Variants in CAMTA1 observed in about 807,000 individuals in gnomAD.
The protein encoded by CAMTA1 is calmodulin binding transcription activator 1.
Under a neutral mutation model 170.9 loss-of-function variants are expected in CAMTA1, and 27 were observed. The ratio of observed to expected loss-of-function variants is 0.16; its 90% CI spans 0.12 to 0.22. CAMTA1 has a LOEUF of 0.22. Among genes scored for constraint, CAMTA1 ranks in the 10% least tolerant of loss-of-function variants. The pLI is 1.00. For missense variants in CAMTA1, 1,619 were observed against 2,217.2 expected (o/e 0.73, Z 5.42); for synonymous variants, 833 against 891.5 (o/e 0.93, Z 1.17).
chr1:7,682,946 C>T lies in CAMTA1; in HGVS notation c.2914+5213C>T, dbSNP rs1273851690. On this transcript the variant is annotated intron_variant, in intron 11 of 22. Coordinates refer to ENST00000303635, the MANE Select transcript of CAMTA1 (RefSeq NM_015215.4). The surrounding 1 kb of genome is among the most constrained non-coding windows in gnomAD (Gnocchi z 5.0). ...CAGCACTTTGGGAGGCCGAGGCAGG[C>T]GGATCACAAGGTCAGGAGATCGAGC... is the stretch of plus-strand genomic sequence containing the variant. Among the ~76,000 whole-genome samples, 1 of 152,134 alleles carries T rather than the reference C, an allele frequency of 6.6e-6. No homozygotes were observed. Among genetic ancestry groups the T allele is most frequent in the South Asian group, 2.1e-4 (1 of 4,822 alleles).
At chr1:7,295,133 A>G (rs920138040) in intron 5 of CAMTA1, among the ~76,000 whole-genome samples, 3 of 151,996 alleles carry the variant, frequency 2.0e-5, no homozygotes, top group African/African-American at 7.3e-5. Flanking sequence ...CAGTTATGTA[A>G]CCTTCTGGCT....
intron 1 of CAMTA1, among the ~76,000 whole-genome samples, chr1:6,786,650 A>G (rs1413567408): frequency 6.6e-6 from 1 of 152,322 alleles, no homozygotes; most frequent in South Asian, 2.1e-4. Context: ...TTGCTGGGTT[A>G]GGGCGAGCTC....
intron 6 of CAMTA1, among the ~76,000 whole-genome samples, chr1:7,505,382 G>A (rs955321894): frequency 2.6e-5 from 4 of 152,172 alleles, no homozygotes; most frequent in Admixed American, 6.5e-5. Flanking sequence ...GGACGTGGGC[G>A]TCTAGTGCAA....
At chr1:7,188,625 G>T (rs1172854618) in intron 4 of CAMTA1, among the ~76,000 whole-genome samples, 1 of 152,172 alleles carries the variant, frequency 6.6e-6, no homozygotes, top group Non-Finnish European at 1.5e-5. Flanking sequence ...GTTCATCCAT[G>T]TTGTAGCAGG....
intron 3 of CAMTA1, among the ~76,000 whole-genome samples, chr1:7,062,084 A>G (rs1056907973): frequency 1.3e-5 from 2 of 151,854 alleles, no homozygotes; most frequent in Non-Finnish European, 2.9e-5. Context: ...CGCACGGCTA[A>G]TTTTTGTATT....
At chr1:7,055,244 G>A (rs971360543) in intron 3 of CAMTA1, among the ~76,000 whole-genome samples, 1 of 152,186 alleles carries the variant, frequency 6.6e-6, no homozygotes, top group African/African-American at 2.4e-5. Flanking sequence ...GGAGATTAAT[G>A]AGAATGTGTG....
intron 5 of CAMTA1, among the ~76,000 whole-genome samples, chr1:7,402,284 CT>C (rs1452986705): frequency 6.6e-6 from 1 of 152,200 alleles, no homozygotes; most frequent in Non-Finnish European, 1.5e-5. Flanking sequence ...CAGAAGACCC[CT>C]GGTCCTCCCT....
At chr1:7,711,941 G>C (rs2096573832) in intron 11 of CAMTA1, among the ~76,000 whole-genome samples, 2 of 152,090 alleles carry the variant, frequency 1.3e-5, no homozygotes, top group South Asian at 4.1e-4. Flanking sequence ...AAAACCTTTT[G>C]GGACCCACTA....
At chr1:7,232,575 C>T (rs1256858611) in intron 4 of CAMTA1, among the ~76,000 whole-genome samples, 1 of 152,092 alleles carries the variant, frequency 6.6e-6, no homozygotes, top group Non-Finnish European at 1.5e-5. Context: ...TCCCTGAGGA[C>T]CAGGGCACAC....
At chr1:7,284,544 T>C (rs1399958024) in intron 5 of CAMTA1, among the ~76,000 whole-genome samples, 1 of 152,202 alleles carries the variant, frequency 6.6e-6, no homozygotes, top group Non-Finnish European at 1.5e-5. Flanking sequence ...AAATAGAGAC[T>C]GTAGTGAGAA....
At chr1:7,042,305 G>A (rs1207217496) in intron 3 of CAMTA1, among the ~76,000 whole-genome samples, 2 of 152,196 alleles carry the variant, frequency 1.3e-5, no homozygotes, top group African/African-American at 4.8e-5. Context: ...CATAGCCTGG[G>A]TACCCAGTGT....
intron 6 of CAMTA1, among the ~76,000 whole-genome samples, chr1:7,504,508 C>T (rs1239061252): frequency 6.6e-6 from 1 of 152,238 alleles, no homozygotes; most frequent in Non-Finnish European, 1.5e-5. Flanking sequence ...CACCTGCTTC[C>T]AGGGCCCTCA....
chr1:7,552,015 G>C (rs768646201), intron 6 of CAMTA1, among the ~76,000 whole-genome samples: 72 of 152,328 alleles, frequency 4.7e-4, no homozygotes, highest in Non-Finnish European at 4.6e-4. Flanking sequence ...TGGGCCTGTA[G>C]GTGAGGAAAG....
At chr1:6,864,838 G>T (rs367658000) in intron 3 of CAMTA1, among the ~76,000 whole-genome samples, 1 of 152,308 alleles carries the variant, frequency 6.6e-6, no homozygotes, top group African/African-American at 2.4e-5. Flanking sequence ...TGTCGGAATT[G>T]TTCCTCAGTG....
Position 7,679,526 on chromosome 1 carries a change from G to A in CAMTA1, c.2914+1793G>A, listed in dbSNP as rs899506179. Reference sequence around the variant, plus strand: ...ACACCCCGGGACCTCGGCCACCCCAGGCCCCTCGAGATGGGCCTGCCGCCA... The same window carrying A: ...ACACCCCGGGACCTCGGCCACCCCAAGCCCCTCGAGATGGGCCTGCCGCCA... On this transcript the variant is annotated intron_variant, in intron 11 of 22. Transcript: ENST00000303635. Among the ~76,000 whole-genome samples the A allele has an allele frequency of 1.2e-4, 18 of 150,264 alleles. No individual in the cohort carries two copies. The East Asian group carries it at 2.9e-3, about 24-fold the overall frequency.
intron 3 of CAMTA1, among the ~76,000 whole-genome samples, chr1:6,869,998 A>G (rs897012769): frequency 6.6e-6 from 1 of 152,190 alleles, no homozygotes; most frequent in Admixed American, 6.5e-5. Flanking sequence ...TCAAGAAGAG[A>G]TTGTTATTTA....
At chr1:7,462,600 AT>A (rs924133972) in intron 5 of CAMTA1, among the ~76,000 whole-genome samples, 16 of 152,070 alleles carry the variant, frequency 1.1e-4, no homozygotes, top group African/African-American at 2.7e-4. Context: ...TAGCTTTTAC[AT>A]TTTTTTTAAT....
chr1:7,032,244 C>G (rs1223296268), intron 3 of CAMTA1, among the ~76,000 whole-genome samples: 1 of 152,190 alleles, frequency 6.6e-6, no homozygotes, highest in Non-Finnish European at 1.5e-5. Flanking sequence ...GGATTATAGG[C>G]GTGAGCCACT....
At chr1:7,310,661 T>C (rs1676436111) in intron 5 of CAMTA1, among the ~76,000 whole-genome samples, 1 of 57,086 alleles carries the variant, frequency 1.8e-5, no homozygotes, top group African/African-American at 9.1e-5. Context: ...CTTTCTTTCT[T>C]TCTTTCTTTC....
Sources: allele counts gnomAD v4.1 joint callset (sites outside exome capture counted in the v4.1 genomes callset), GRCh38; gene constraint gnomAD v4.1.1; non-coding constraint Gnocchi (gnomAD v3.1); transcripts MANE v1.5; gene names NCBI Gene and HGNC (gene_info 2026-07-23, HGNC 2026-07-21).